RBFOX1: variants seen among roughly 807,000 people sequenced by gnomAD.
The protein encoded by RBFOX1 is RNA binding protein fox-1 homolog 1.
Under a neutral mutation model 57.7 loss-of-function variants are expected in RBFOX1, and 8 were observed. That is an observed-to-expected ratio of 0.14 (90% CI 0.08 to 0.25). RBFOX1 has a LOEUF of 0.25. RBFOX1 is among the 10% of genes least tolerant of loss of function. The pLI, the probability that RBFOX1 is intolerant of heterozygous loss-of-function variation, is 1.00. For synonymous variants in RBFOX1, 326 were observed against 222.4 expected, an observed-to-expected ratio of 1.47 and a Z score of -4.15; for missense variants, 611 against 548.5, an observed-to-expected ratio of 1.11 and a Z score of -1.14.
intron 1 of RBFOX1, among the ~76,000 whole-genome samples, chr16:5,325,115 C>T (rs2030053584): frequency 6.6e-6 from 1 of 152,192 alleles, no homozygotes; most frequent in South Asian, 2.1e-4. Flanking sequence ...TTTACACACT[C>T]ACTGACGCTT....
At chr16:5,767,041 C>G (rs750378466) in intron 3 of RBFOX1, among the ~76,000 whole-genome samples, 2 of 152,192 alleles carry the variant, frequency 1.3e-5, no homozygotes, top group African/African-American at 4.8e-5. Context: ...TTTGTAGGAA[C>G]TGATGTCTCA....
chr16:7,347,385 T>C (rs2097032196), intron 4 of RBFOX1, among the ~76,000 whole-genome samples: 1 of 151,988 alleles, frequency 6.6e-6, no homozygotes, highest in South Asian at 2.1e-4. Flanking sequence ...GCAGGGAAAC[T>C]CTTGTTTTTA....
chr16:6,351,821 G>A lies in RBFOX1; in HGVS notation c.-64+34764G>A, dbSNP rs1267640676. Among the ~76,000 whole-genome samples, 6 of 152,126 alleles carry A rather than the reference G, an allele frequency of 3.9e-5. No homozygotes were observed. The East Asian group carries it at 9.6e-4, about 24-fold the overall frequency. On this transcript the variant is annotated intron_variant, in intron 2 of 15. Coordinates refer to ENST00000550418, the MANE Select transcript of RBFOX1 (RefSeq NM_018723.4). The stretch of plus-strand genomic sequence containing the variant: ...CAAAATAAGGATATTAGCATTTCCT[G>A]AGGTACGTAAAATGTTGGGTGCTTT...
intron 1 of RBFOX1, among the ~76,000 whole-genome samples, chr16:5,399,356 T>G (rs1270056030): frequency 6.6e-6 from 1 of 152,194 alleles, no homozygotes; most frequent in Non-Finnish European, 1.5e-5. Flanking sequence ...GGATAGAAGT[T>G]AAGAAAACTA....
intron 1 of RBFOX1, among the ~76,000 whole-genome samples, chr16:6,119,419 C>T (rs1051063011): frequency 6.6e-6 from 1 of 152,126 alleles, no homozygotes; most frequent in Non-Finnish European, 1.5e-5. Context: ...TAGCCTTGAT[C>T]ACTTAGTTGA....
intron 3 of RBFOX1, among the ~76,000 whole-genome samples, chr16:5,836,861 CT>C (rs1187313019): frequency 2.0e-5 from 3 of 152,176 alleles, no homozygotes; most frequent in Non-Finnish European, 4.4e-5. Flanking sequence ...CCCAGGCCAC[CT>C]CTTTCTTGCT....
chr16:6,595,867 C>A (rs2097772011), intron 2 of RBFOX1, among the ~76,000 whole-genome samples: 1 of 151,920 alleles, frequency 6.6e-6, no homozygotes, highest in African/African-American at 2.4e-5. Context: ...TTTGGACAAA[C>A]CCTATTAAAA....
intron 4 of RBFOX1, among the ~76,000 whole-genome samples, chr16:7,262,735 T>G (rs1461738686): frequency 1.3e-5 from 2 of 152,270 alleles, no homozygotes; most frequent in African/African-American, 2.4e-5. Context: ...GAGGGCATCA[T>G]GCCCGGCATG....
chr16:6,803,146 T>C lies in RBFOX1; in HGVS notation c.-16+148496T>C, dbSNP rs539468643. Reference sequence around the variant, plus strand: ...CTAGACCATGCCTTGATTTTTTTTTTCTTTTAAATGCCATGAGTTAGACAT... The same window carrying C: ...CTAGACCATGCCTTGATTTTTTTTTCCTTTTAAATGCCATGAGTTAGACAT... On this transcript the variant is annotated intron_variant, in intron 3 of 15. Coordinates refer to ENST00000550418, the MANE Select transcript of RBFOX1 (RefSeq NM_018723.4). Among the ~76,000 whole-genome samples the C allele has an allele frequency of 4.0e-5, 6 of 151,892 alleles. No individual in the cohort carries two copies. In the East Asian group the frequency reaches 1.2e-3, roughly 29 times the overall value.
chr16:6,724,595 A>G (rs1051085135), intron 3 of RBFOX1, among the ~76,000 whole-genome samples: 12 of 152,182 alleles, frequency 7.9e-5, no homozygotes, highest in African/African-American at 2.2e-4. Flanking sequence ...CTCCAGAACT[A>G]TAAGAAAATA....
intron 1 of RBFOX1, among the ~76,000 whole-genome samples, chr16:5,444,380 C>T (rs530208740): frequency 6.6e-6 from 1 of 152,274 alleles, no homozygotes; most frequent in East Asian, 1.9e-4. Flanking sequence ...GAATTTCAAG[C>T]ATGTAAACCA....
chr16:6,990,894 T>C (rs1474936737), intron 3 of RBFOX1, among the ~76,000 whole-genome samples: 1 of 152,132 alleles, frequency 6.6e-6, no homozygotes, highest in Non-Finnish European at 1.5e-5. Context: ...GCTGTCATTT[T>C]TTATGATAGA....
intron 4 of RBFOX1, among the ~76,000 whole-genome samples, chr16:7,288,190 C>T (rs140977464): frequency 1.3e-5 from 2 of 152,264 alleles, no homozygotes; most frequent in African/African-American, 2.4e-5. Flanking sequence ...CCTACCTCAA[C>T]CATAGTTTGT....
Position 7,477,732 on chromosome 16 carries a change from A to T in RBFOX1, c.28-40415A>T, listed in dbSNP as rs551587376. Among the ~76,000 whole-genome samples, 77 of 152,228 alleles carry T rather than the reference A, an allele frequency of 5.1e-4. 4 individuals carry two copies. The highest frequency in any genetic ancestry group is 3.4e-3 in the Middle Eastern group (1 of 294). ...GCCTCAGACTTCAAGGTGGCATTGG[A>T]TGCAACATCATCCACTGCAAATATG... On this transcript the variant is annotated intron_variant, in intron 4 of 15. Coordinates refer to ENST00000550418, the MANE Select transcript of RBFOX1 (RefSeq NM_018723.4).
chr16:7,107,490 G>A (rs1350109015), intron 4 of RBFOX1, among the ~76,000 whole-genome samples: 1 of 152,082 alleles, frequency 6.6e-6, no homozygotes, highest in Non-Finnish European at 1.5e-5. Flanking sequence ...TATTGAGGAA[G>A]GATTAACTGT....
rs551749215 is a variant in RBFOX1 at position 5,770,802 on chromosome 16, A to G, written c.319-96501A>G. Among the ~76,000 whole-genome samples the G allele has an allele frequency of 2.0e-5, 3 of 152,346 alleles. No homozygotes were observed. The South Asian group carries it at 6.2e-4, about 32-fold the overall frequency. Reference sequence around the variant, plus strand: ...TGTGGGTGGCCTAGAAGAAAATAGCACACAGCTTTTAGAACTCTATGCCAA... The same window carrying G: ...TGTGGGTGGCCTAGAAGAAAATAGCGCACAGCTTTTAGAACTCTATGCCAA... On this transcript the variant is annotated intron_variant, in intron 3 of 19. Transcript: ENST00000641259.
chr16:5,266,361 G>C (rs1484076715), intron 1 of RBFOX1, among the ~76,000 whole-genome samples: 7 of 152,068 alleles, frequency 4.6e-5, no homozygotes, highest in African/African-American at 1.7e-4. Context: ...ATTGCCTAAT[G>C]TCCCCCGGGG....
intron 1 of RBFOX1, among the ~76,000 whole-genome samples, chr16:5,454,978 T>C (rs866589797): frequency 6.9e-4 from 63 of 90,730 alleles, no homozygotes; most frequent in East Asian, 2.0e-3. Context: ...TTTCTTTCTT[T>C]CTTTCTTTCT....
intron 3 of RBFOX1, among the ~76,000 whole-genome samples, chr16:7,031,291 T>C (rs2042722063): frequency 6.6e-6 from 1 of 152,148 alleles, no homozygotes. Flanking sequence ...GTGACTACAC[T>C]GTAGAGATAA....
Sources: gnomAD v4.1 joint callset for allele counts (sites outside exome capture counted in the v4.1 genomes callset) on GRCh38, gnomAD v4.1.1 for gene constraint, MANE v1.5 for transcripts, NCBI Gene and HGNC (gene_info 2026-07-23, HGNC 2026-07-21) for gene names.